The following MRTFB variants were observed in gnomAD, a reference collection of about 807,000 sequenced individuals.
MRTFB encodes the protein myocardin related transcription factor B, also known as myocardin-related transcription factor B.
A neutral mutation model predicts 104.2 loss-of-function variants in MRTFB; 29 were observed. That is an observed-to-expected ratio of 0.28 (90% CI 0.21 to 0.38). The LOEUF is 0.38. MRTFB is among the 10% of genes least tolerant of loss of function. The pLI is 1.00. For synonymous variants in MRTFB, 535 were observed against 519.5 expected, an observed-to-expected ratio of 1.03 and a Z score of -0.41; for missense variants, 1,270 against 1,341.6, an observed-to-expected ratio of 0.95 and a Z score of 0.83.
chr16:14,078,099 G>C (rs576720384), intron 1 of MRTFB, among the ~76,000 whole-genome samples: 1 of 152,100 alleles, frequency 6.6e-6, no homozygotes, highest in East Asian at 1.9e-4. Context: ...CCAGAATATA[G>C]TGCTACGTAA....
chr16:14,017,278 G>A, the MRTFB span, among the ~76,000 whole-genome samples: 1,265 of 151,652 alleles, frequency 8.3e-3, 15 homozygotes, highest in Non-Finnish European at 0.013. Context: ...GGATGGTCTC[G>A]ATCTCCTGAC....
At chr16:14,055,673 C>G in the MRTFB span, among the ~76,000 whole-genome samples, 23 of 152,112 alleles carry the variant, frequency 1.5e-4, no homozygotes, top group Non-Finnish European at 2.8e-4. Context: ...AGGTGAAATG[C>G]CATTCTCTTT....
At chr16:14,111,181 A>C (rs1038162466) in intron 2 of MRTFB, among the ~76,000 whole-genome samples, 1 of 152,244 alleles carries the variant, frequency 6.6e-6, no homozygotes, top group African/African-American at 2.4e-5. Flanking sequence ...ATAACTGAAT[A>C]AAGTTCTGCA....
At chr16:14,212,783 A>G (rs1242652613) in intron 5 of MRTFB, among the ~76,000 whole-genome samples, 1 of 152,222 alleles carries the variant, frequency 6.6e-6, no homozygotes, top group Non-Finnish European at 1.5e-5. Context: ...AGATCCTTAG[A>G]TGATTTCCCT....
intron 8 of MRTFB, among the ~76,000 whole-genome samples, chr16:14,231,420 T>C (rs1405313790): frequency 6.6e-6 from 1 of 151,262 alleles, no homozygotes; most frequent in Non-Finnish European, 1.5e-5. Flanking sequence ...CAGGTACTTG[T>C]GCAGGTGTGT....
the MRTFB span, among the ~76,000 whole-genome samples, chr16:14,037,334 A>G: frequency 1.3e-5 from 2 of 152,236 alleles, no homozygotes; most frequent in Non-Finnish European, 1.5e-5. Context: ...ATGGCATTAA[A>G]TGAAATCAGG....
At chr16:14,252,528 A>G (rs756413377) in intron 15 of MRTFB, 26 bp downstream of exon 15, 2 of 1,613,624 alleles carry the variant, frequency 1.2e-6, no homozygotes, top group Admixed American at 1.7e-5. Context: ...GTCATGGTGC[A>G]TAAGGCTATG....
the MRTFB span, among the ~76,000 whole-genome samples, chr16:14,012,539 C>G: frequency 1.3e-5 from 2 of 152,056 alleles, no homozygotes; most frequent in African/African-American, 4.8e-5. Flanking sequence ...ACCTCGAGAT[C>G]TGCCCACCTT....
chr16:14,234,390 T>A, intron 9 of MRTFB, 107 bp downstream of exon 9: 1 of 1,338,052 alleles, frequency 7.5e-7, no homozygotes. Flanking sequence ...CAGCCTGCCT[T>A]TTAGCCCAAA....
chr16:14,265,830 G>A lies in MRTFB; in HGVS notation c.*4386G>A, dbSNP rs978048182. 3 of 152,226 alleles carry A rather than the reference G, an allele frequency of 2.0e-5. No homozygotes were observed. Among genetic ancestry groups the A allele is most frequent in the African/African-American group, 2.4e-5 (1 of 41,540 alleles). 9.4% of individuals were successfully genotyped at this position (152,226 alleles called of 1,614,324 possible). ...AATCTCGGATCTACAAGGTGCTGTC[G>A]GGAATCAAATAAAATATGTTATCAG... On this transcript the variant is annotated 3_prime_UTR_variant, in exon 17 of 17. Coordinates refer to ENST00000571589, the MANE Select transcript of MRTFB (RefSeq NM_001308142.2).
chr16:14,041,752 C>T, the MRTFB span, among the ~76,000 whole-genome samples: 1 of 151,626 alleles, frequency 6.6e-6, no homozygotes, highest in African/African-American at 2.4e-5. Flanking sequence ...CATGGAGAAA[C>T]CCCGTCTCTA....
chr16:14,051,644 T>C, the MRTFB span, among the ~76,000 whole-genome samples: 2 of 151,766 alleles, frequency 1.3e-5, no homozygotes, highest in East Asian at 3.9e-4. Flanking sequence ...CACACTCGTA[T>C]AGACACACAT....
chr16:14,208,510 G>T (rs557702908), intron 3 of MRTFB, among the ~76,000 whole-genome samples: 35 of 152,236 alleles, frequency 2.3e-4, no homozygotes, highest in African/African-American at 6.7e-4. Context: ...TTTCCTGCTA[G>T]AGATTCTCCA....
intron 2 of MRTFB, among the ~76,000 whole-genome samples, chr16:14,130,073 T>C (rs1029345212): frequency 6.6e-6 from 1 of 152,206 alleles, no homozygotes; most frequent in Non-Finnish European, 1.5e-5. Context: ...TCCAGTGATC[T>C]GCCCACCTCG....
chr16:14,191,724 A>G (rs1053269990), intron 3 of MRTFB: 2 of 152,206 alleles, frequency 1.3e-5, no homozygotes, highest in African/African-American at 4.8e-5. Context: ...TTATAAATTA[A>G]TGGCTTACCC....
chr16:14,081,026 G>C (rs1288730880), intron 2 of MRTFB, among the ~76,000 whole-genome samples: 4 of 152,178 alleles, frequency 2.6e-5, no homozygotes, highest in Non-Finnish European at 5.9e-5. Context: ...CCAGTAGTGG[G>C]ATTGCTGGAT....
intron 3 of MRTFB, among the ~76,000 whole-genome samples, chr16:14,202,524 A>T (rs543672720): frequency 6.6e-6 from 1 of 152,196 alleles, no homozygotes; most frequent in South Asian, 2.1e-4. Flanking sequence ...AAAATAAACT[A>T]TTCACAGCAG....
the MRTFB span, among the ~76,000 whole-genome samples, chr16:14,030,956 G>A: frequency 5.9e-5 from 9 of 152,314 alleles, no homozygotes; most frequent in Admixed American, 2.6e-4. Context: ...ACTTGGGGGC[G>A]TAGGTTGTCA....
At chr16:14,102,179 G>T (rs975142829) in intron 2 of MRTFB, among the ~76,000 whole-genome samples, 3 of 151,972 alleles carry the variant, frequency 2.0e-5, no homozygotes, top group African/African-American at 7.2e-5. Context: ...AGAAATTGTG[G>T]TTGAAAGAGC....
Sources: allele counts gnomAD v4.1 joint callset (sites outside exome capture counted in the v4.1 genomes callset), GRCh38; gene constraint gnomAD v4.1.1; transcripts MANE v1.5; gene names NCBI Gene and HGNC (gene_info 2026-07-23, HGNC 2026-07-21).